Variants in MDGA2 observed in about 807,000 individuals in gnomAD.
MDGA2 encodes the protein MAM domain containing glycosylphosphatidylinositol anchor 2, also known as MAM domain-containing glycosylphosphatidylinositol anchor protein 2.
In MDGA2, 40 loss-of-function variants were observed where a neutral mutation model predicts 117.8. That is an observed-to-expected ratio of 0.34 (90% confidence interval 0.26 to 0.44). The LOEUF (loss-of-function observed/expected upper bound fraction) is 0.44, where lower values mean the gene tolerates loss of function less well. Among genes scored for constraint, MDGA2 ranks in the 20% least tolerant of loss-of-function variants. The probability of loss-of-function intolerance (pLI) is 1.00; values close to 1 mark genes in which losing one functional copy is unlikely to be tolerated. For synonymous variants in MDGA2, 452 were observed against 439.0 expected (o/e 1.03, Z -0.37); for missense variants, 1,123 against 1,250.6 (o/e 0.90, Z 1.54).
chr14:46,869,868 A>G (rs1162404170), intron 14 of MDGA2, among the ~76,000 whole-genome samples: 1 of 151,964 alleles, frequency 6.6e-6, no homozygotes, highest in Non-Finnish European at 1.5e-5. Flanking sequence ...GAGGCCTCCA[A>G]TCAACAGCCA....
At chr14:47,497,419 G>A (rs1894304520) in intron 1 of MDGA2, among the ~76,000 whole-genome samples, 2 of 151,982 alleles carry the variant, frequency 1.3e-5, no homozygotes, top group Non-Finnish European at 2.9e-5. Context: ...ACCACGCCCA[G>A]CTAATTTTTC....
intron 14 of MDGA2, among the ~76,000 whole-genome samples, chr14:46,866,147 C>T (rs1488933200): frequency 6.6e-6 from 1 of 152,084 alleles, no homozygotes; most frequent in African/African-American, 2.4e-5. Flanking sequence ...AACTATACTT[C>T]AAGGCTACAG....
At chr14:47,661,337 G>A (rs1296473036) in intron 1 of MDGA2, among the ~76,000 whole-genome samples, 1 of 152,080 alleles carries the variant, frequency 6.6e-6, no homozygotes, top group African/African-American at 2.4e-5. Context: ...GGTACAATGT[G>A]TATAAAACTT....
At chr14:47,395,042 T>G (rs757455775) in intron 1 of MDGA2, among the ~76,000 whole-genome samples, 2 of 151,990 alleles carry the variant, frequency 1.3e-5, no homozygotes, top group Non-Finnish European at 2.9e-5. Context: ...ATGGTCCCAG[T>G]TACTCAGGAG....
intron 1 of MDGA2, among the ~76,000 whole-genome samples, chr14:47,526,629 C>T (rs895807374): frequency 1.4e-4 from 22 of 152,086 alleles, no homozygotes; most frequent in African/African-American, 5.3e-4. Flanking sequence ...TCACCCTACA[C>T]TTGTGTAGTG....
rs1887411575 is a variant in MDGA2 at position 47,250,564 on chromosome 14, T to G, written c.421-32369A>C. 2.0e-5 allele frequency among the ~76,000 whole-genome samples: 3 copies of G among 152,260 alleles called. No homozygotes were observed. In the South Asian group the frequency reaches 6.2e-4, roughly 32 times the overall value. Reference sequence around the variant, plus strand: ...TGGGAATAGAGTTCATAGAAGGGACTGAATCGACTAGAGTTCTCTTCTTCC... The same window carrying G: ...TGGGAATAGAGTTCATAGAAGGGACGGAATCGACTAGAGTTCTCTTCTTCC... On this transcript the variant is annotated intron_variant, in intron 2 of 16. Coordinates refer to ENST00000399232, the MANE Select transcript of MDGA2 (RefSeq NM_001113498.3).
chr14:47,135,852 T>A (rs1235318475), intron 4 of MDGA2, among the ~76,000 whole-genome samples: 1 of 152,158 alleles, frequency 6.6e-6, no homozygotes, highest in Non-Finnish European at 1.5e-5. Flanking sequence ...TATGAGTCAT[T>A]TTTTTGTTCC....
At chr14:47,629,032 G>A (rs1897205675) in intron 1 of MDGA2, among the ~76,000 whole-genome samples, 1 of 152,156 alleles carries the variant, frequency 6.6e-6, no homozygotes, top group African/African-American at 2.4e-5. Context: ...CTGCTTTTCT[G>A]TTCTTTCACT....
At chr14:46,889,747 A>C (rs1453469529) in intron 10 of MDGA2, among the ~76,000 whole-genome samples, 1 of 152,042 alleles carries the variant, frequency 6.6e-6, no homozygotes, top group Non-Finnish European at 1.5e-5. Flanking sequence ...GCAAAGAAAT[A>C]CCAGGCCCCA....
chr14:47,475,684 T>C (rs1453439054), intron 1 of MDGA2, among the ~76,000 whole-genome samples: 1 of 152,162 alleles, frequency 6.6e-6, no homozygotes, highest in African/African-American at 2.4e-5. Context: ...GGGACATAGA[T>C]GGAGCTCGAA....
At chr14:47,202,739 T>G (rs1885553865) in intron 3 of MDGA2, among the ~76,000 whole-genome samples, 1 of 152,170 alleles carries the variant, frequency 6.6e-6, no homozygotes, top group Non-Finnish European at 1.5e-5. Context: ...TTATAAAAAT[T>G]TATACAAGTG....
At chr14:46,879,420 A>G (rs756929758) in intron 11 of MDGA2, among the ~76,000 whole-genome samples, 3 of 152,174 alleles carry the variant, frequency 2.0e-5, no homozygotes, top group Non-Finnish European at 4.4e-5. Context: ...CATTGCCTCT[A>G]AACCATTAAA....
chr14:47,519,645 T>C (rs1367890179), intron 1 of MDGA2, among the ~76,000 whole-genome samples: 1 of 152,226 alleles, frequency 6.6e-6, no homozygotes. Flanking sequence ...GGAAAAATTT[T>C]ATCCCTCTTT....
At chr14:47,243,834 T>C (rs755773211) in intron 2 of MDGA2, among the ~76,000 whole-genome samples, 9 of 151,812 alleles carry the variant, frequency 5.9e-5, no homozygotes, top group Non-Finnish European at 1.3e-4. Flanking sequence ...CAATTTTAAG[T>C]GGCGACTGGC....
chr14:47,497,052 G>A (rs1894296437), intron 1 of MDGA2, among the ~76,000 whole-genome samples: 1 of 152,014 alleles, frequency 6.6e-6, no homozygotes, highest in African/African-American at 2.4e-5. Context: ...TCACTCACAC[G>A]CTGCTCACCT....
chr14:47,002,734 A>G (rs1466590702), intron 8 of MDGA2, among the ~76,000 whole-genome samples: 1 of 152,144 alleles, frequency 6.6e-6, no homozygotes, highest in Non-Finnish European at 1.5e-5. Flanking sequence ...ATCTAAAAAA[A>G]AAAATTTAAT....
chr14:47,146,323 C>T (rs1882944068), intron 3 of MDGA2, among the ~76,000 whole-genome samples: 1 of 152,078 alleles, frequency 6.6e-6, no homozygotes, highest in African/African-American at 2.4e-5. Context: ...TCACAGCTAC[C>T]TCAAAGGCCT....
At chr14:47,584,952 C>T (rs1896297430) in intron 1 of MDGA2, among the ~76,000 whole-genome samples, 1 of 151,790 alleles carries the variant, frequency 6.6e-6, no homozygotes, top group Non-Finnish European at 1.5e-5. Context: ...GGATGACACT[C>T]AATAAAGCTT....
intron 14 of MDGA2, among the ~76,000 whole-genome samples, chr14:46,864,064 C>G (rs1347290434): frequency 1.4e-5 from 2 of 147,666 alleles, no homozygotes; most frequent in African/African-American, 2.5e-5. Context: ...ATCCCTCCCC[C>G]CTCCCCCCAC....
Sources: allele counts gnomAD v4.1 joint callset (sites outside exome capture counted in the v4.1 genomes callset), GRCh38; gene constraint gnomAD v4.1.1; transcripts MANE v1.5; gene names NCBI Gene and HGNC (gene_info 2026-07-23, HGNC 2026-07-21).